The following CEP97 variants were observed in gnomAD, a reference collection of about 807,000 sequenced individuals.
CEP97 encodes centrosomal protein of 97 kDa.
Under a neutral mutation model 73.1 loss-of-function variants are expected in CEP97, and 43 were observed. The ratio of observed to expected loss-of-function variants is 0.59; its 90% CI spans 0.46 to 0.76. CEP97 has a LOEUF of 0.76. Ranked by LOEUF, CEP97 falls within the 30% of genes least tolerant of loss-of-function variation. CEP97 has a pLI of 0.00. For missense variants in CEP97, 939 were observed against 1,014.0 expected, an observed-to-expected ratio of 0.93 and a Z score of 1.00; for synonymous variants, 337 against 370.0, an observed-to-expected ratio of 0.91 and a Z score of 1.02.
At chr3:101,735,176 T>C (rs1938234121) in intron 6 of CEP97, among the ~76,000 whole-genome samples, 1 of 152,176 alleles carries the variant, frequency 6.6e-6, no homozygotes, top group African/African-American at 2.4e-5. Flanking sequence ...AAAATATTTG[T>C]TGATTGGATA....
Position 101,764,985 on chromosome 3 carries a change from C to T in CEP97, c.2032C>T (p.Gln678Ter), listed in dbSNP as rs572314728. The change falls in exon 11 of 11, where the codon CAA becomes TAA. Residue 678 changes from glutamine to a stop codon, truncating the protein, a stop_gained. Transcript: ENST00000341893. LOFTEE classifies it low-confidence loss of function (END_TRUNC). The stretch of plus-strand genomic sequence containing the variant: ...CCAAAGCCAGGAGTCCTCTTGTGAT[C>T]AAAATGCTGATTGGTTTATTGCTTC... ...FTQSQESSCD[Q>*]NADWFIASDV... The T allele has an allele frequency of 6.2e-7, 1 of 1,614,138 alleles. No individual in the cohort carries two copies. The highest frequency in any genetic ancestry group is 1.7e-5 in the Admixed American group (1 of 60,018).
intron 10 of CEP97, chr3:101,763,233 A>G: frequency 8.4e-7 from 1 of 1,194,938 alleles, no homozygotes; most frequent in Non-Finnish European, 1.1e-6. Context: ...GATTTGACCT[A>G]TAAAATGAAA....
In CEP97 at chr3:101,743,319, T is replaced by C. The variant is rs181809450; in HGVS notation, c.728+10665T>C. Among the ~76,000 whole-genome samples the C allele has an allele frequency of 9.2e-5, 14 of 152,184 alleles. No individual in the cohort carries two copies. The East Asian group carries it at 2.5e-3, about 27-fold the overall frequency. On this transcript the variant is annotated intron_variant, in intron 6 of 10. Transcript: ENST00000341893. Reference sequence around the variant, plus strand: ...CCCCTCCTCACTAGAAGTAACTTTATGGTAACTTTTTAATAATTTAGAAAT... The same window carrying C: ...CCCCTCCTCACTAGAAGTAACTTTACGGTAACTTTTTAATAATTTAGAAAT...
At chr3:101,725,737 T>G (rs1937859880) in intron 1 of CEP97, among the ~76,000 whole-genome samples, 1 of 152,202 alleles carries the variant, frequency 6.6e-6, no homozygotes, top group South Asian at 2.1e-4. Context: ...GCCGTTTCTC[T>G]GGCCCCGCCC....
intron 9 of CEP97, among the ~76,000 whole-genome samples, chr3:101,760,114 A>G (rs1939131063): frequency 6.6e-6 from 1 of 151,038 alleles, no homozygotes; most frequent in African/African-American, 2.4e-5. Context: ...AAGTAGAGGA[A>G]GTGGCCTGAA....
At chr3:101,750,605 GT>G (rs1192244326) in intron 6 of CEP97, among the ~76,000 whole-genome samples, 4 of 152,280 alleles carry the variant, frequency 2.6e-5, no homozygotes, top group South Asian at 4.1e-4. Flanking sequence ...TTATTGGTCT[GT>G]TCAGAGATTC....
intron 6 of CEP97, among the ~76,000 whole-genome samples, chr3:101,746,913 A>T (rs1243570792): frequency 6.7e-6 from 1 of 148,904 alleles, no homozygotes; most frequent in East Asian, 2.0e-4. Context: ...ATGCAGCCAA[A>T]AAACACATGA....
At chr3:101,752,256 A>G (rs1375682676) in intron 6 of CEP97, among the ~76,000 whole-genome samples, 1 of 152,180 alleles carries the variant, frequency 6.6e-6, no homozygotes, top group Non-Finnish European at 1.5e-5. Flanking sequence ...GTTTCTGCCG[A>G]GAGATCCGCT....
At chr3:101,751,631 C>A (rs1938823644) in intron 6 of CEP97, among the ~76,000 whole-genome samples, 2 of 152,140 alleles carry the variant, frequency 1.3e-5, no homozygotes, top group East Asian at 1.9e-4. Flanking sequence ...GGATAGTTAG[C>A]TCTTCTTGTT....
At chr3:101,763,123 C>T (rs1297965018) in intron 10 of CEP97, 3 of 1,188,776 alleles carry the variant, frequency 2.5e-6, no homozygotes, top group Non-Finnish European at 3.3e-6. Context: ...GGGGTCTTGC[C>T]ATATTGCCCA....
chr3:101,747,652 G>A (rs1465334437), intron 6 of CEP97, among the ~76,000 whole-genome samples: 29 of 150,312 alleles, frequency 1.9e-4, no homozygotes, highest in Middle Eastern at 3.4e-3. Context: ...TGCCTCCTTG[G>A]TTCAAGCAAT....
intron 6 of CEP97, among the ~76,000 whole-genome samples, chr3:101,747,207 C>T (rs1938644522): frequency 1.3e-5 from 2 of 151,562 alleles, no homozygotes; most frequent in Non-Finnish European, 2.9e-5. Context: ...ATAAATCATG[C>T]TGTTGGAGCA....
At chr3:101,763,219 A>G (rs1209195842) in intron 10 of CEP97, 14 of 1,226,340 alleles carry the variant, frequency 1.1e-5, no homozygotes, top group Non-Finnish European at 1.5e-5. Context: ...ATTTGTTATA[A>G]TAGGATTTGA....
intron 1 of CEP97, among the ~76,000 whole-genome samples, chr3:101,726,346 A>G (rs989059931): frequency 6.6e-6 from 1 of 152,220 alleles, no homozygotes; most frequent in Non-Finnish European, 1.5e-5. Flanking sequence ...TTTTCAAAGT[A>G]TATCTTAGCA....
chr3:101,760,112 G>C (rs1307361124), intron 9 of CEP97, among the ~76,000 whole-genome samples: 2 of 151,304 alleles, frequency 1.3e-5, no homozygotes, highest in African/African-American at 4.8e-5. Context: ...CGAAGTAGAG[G>C]AAGTGGCCTG....
intron 7 of CEP97, 71 bp from the exon 8 acceptor site, chr3:101,756,992 T>C: frequency 7.1e-7 from 1 of 1,401,274 alleles, no homozygotes; most frequent in Non-Finnish European, 9.6e-7. Flanking sequence ...TTTGACATTG[T>C]TACCTAGGAA....
At chr3:101,741,638 G>A (rs1175203446) in intron 6 of CEP97, among the ~76,000 whole-genome samples, 2 of 152,016 alleles carry the variant, frequency 1.3e-5, no homozygotes, top group South Asian at 2.1e-4. Flanking sequence ...ACATTTATGC[G>A]GCCAACAATC....
chr3:101,733,539 A>T (rs1197406355), intron 6 of CEP97, among the ~76,000 whole-genome samples: 33 of 147,040 alleles, frequency 2.2e-4, no homozygotes, highest in Middle Eastern at 7.0e-3. Flanking sequence ...TTTATTTTTT[A>T]TTTTTTTTTG....
chr3:101,729,705 C>T (rs1938030593), intron 4 of CEP97, among the ~76,000 whole-genome samples: 3 of 151,904 alleles, frequency 2.0e-5, no homozygotes. Flanking sequence ...GTAGCTAGGA[C>T]CATAGGCATG....
Sources: gnomAD v4.1 joint callset for allele counts (sites outside exome capture counted in the v4.1 genomes callset) on GRCh38, gnomAD v4.1.1 for gene constraint, MANE v1.5 for transcripts, NCBI Gene and HGNC (gene_info 2026-07-23, HGNC 2026-07-21) for gene names.